PNPLA7: variants seen among roughly 807,000 people sequenced by gnomAD.
PNPLA7 encodes the protein patatin like domain 7, lysophospholipase, also known as patatin-like phospholipase domain-containing protein 7.
PNPLA7 carries 153 observed loss-of-function variants against 161.7 expected under a neutral mutation model. That is an observed-to-expected ratio of 0.95 (90% CI 0.83 to 1.08). PNPLA7 has a LOEUF of 1.08. PNPLA7 is among the 50% of genes least tolerant of loss of function. The pLI is 0.00. For synonymous variants in PNPLA7, 809 were observed against 782.1 expected, an observed-to-expected ratio of 1.03 and a Z score of -0.57; for missense variants, 1,739 against 1,856.6, an observed-to-expected ratio of 0.94 and a Z score of 1.16.
rs773780787 is a variant in PNPLA7 at position 137,505,969 on chromosome 9, C to G, written c.1326+14G>C. On this transcript the variant is annotated intron_variant, in intron 13 of 34. Coordinates refer to ENST00000406427, the MANE Select transcript of PNPLA7 (RefSeq NM_001098537.3). ...GGCCCCAGGCGGAGGGTGAGAATGA[C>G]AGCCAGGGCCTACCTTGCTGGCCAC... The G allele has an allele frequency of 4.6e-5, 73 of 1,600,284 alleles. No individual in the cohort carries two copies. The highest frequency in any genetic ancestry group is 5.7e-5 in the Non-Finnish European group (67 of 1,173,314).
chr9:137,498,146 C>G lies in PNPLA7; in HGVS notation c.1857G>C (p.Trp619Cys), dbSNP rs1488405679. ...TTGCTCGCCCGGCCTCCACCTCCAC[C>G]CAGTCCAGGGCAAAGTCGATTTGCC... ...FVRQIDFALD[W>C]VEVEAGRAIY... The change falls in exon 17 of 35, where the codon TGG (tryptophan) becomes TGC (cysteine). Residue 619 changes from tryptophan (W) to cysteine (C), a missense_variant. By Grantham distance (215) the Trp-to-Cys change is radical (BLOSUM62 -2). Around this residue, in one of 6 missense-constraint regions of PNPLA7, gnomAD observed 481 missense variants for 450.0 expected, o/e 1.07. Coordinates refer to ENST00000406427, the MANE Select transcript of PNPLA7 (RefSeq NM_001098537.3). The G allele has an allele frequency of 6.2e-7, 1 of 1,613,106 alleles. No individual in the cohort carries two copies. The highest frequency in any genetic ancestry group is 8.5e-7 in the Non-Finnish European group (1 of 1,179,986).
chr9:137,461,822 G>T, intron 32 of PNPLA7, 109 bp downstream of exon 32: 1 of 1,290,346 alleles, frequency 7.7e-7, no homozygotes, highest in Admixed American at 2.5e-5. Context: ...GGGGGGCAGG[G>T]CCTGTGGCCT....
At chr9:137,495,201 G>T in intron 18 of PNPLA7, 55 bp from the exon 19 acceptor site, 1 of 1,353,106 alleles carries the variant, frequency 7.4e-7, no homozygotes, top group Non-Finnish European at 1.0e-6. Context: ...CGAGCCAGCT[G>T]GACCTGTCCC....
At chr9:137,475,348 C>G (rs1831899819) in intron 25 of PNPLA7, among the ~76,000 whole-genome samples, 1 of 152,166 alleles carries the variant, frequency 6.6e-6, no homozygotes, top group Non-Finnish European at 1.5e-5. Context: ...GCACGCCAGC[C>G]TGGGCAACAA....
rs908365974 is a variant in PNPLA7, at chr9:137,524,717, C to G, written c.748-1860G>C. On this transcript the variant is annotated intron_variant, in intron 8 of 34. Coordinates refer to ENST00000406427, the MANE Select transcript of PNPLA7 (RefSeq NM_001098537.3). This position sits in a 1 kb window ranked among gnomAD's most constrained non-coding sequence, Gnocchi z 4.4. ...GTTTCCATGGATGCCCTGTGTTTTGCATTCTCACCAGCAGCGAACGAGTTT... is the reference window on the plus strand; with the variant it reads ...GTTTCCATGGATGCCCTGTGTTTTGGATTCTCACCAGCAGCGAACGAGTTT... Among the ~76,000 whole-genome samples, 3 of 152,174 alleles carry G rather than the reference C, an allele frequency of 2.0e-5. No individual in the cohort carries two copies. Among genetic ancestry groups the G allele is most frequent in the Non-Finnish European group, 4.4e-5 (3 of 68,022 alleles).
At position 137,520,665 on chromosome 9, in the gene PNPLA7, A is replaced by G. The variant is rs1271706237; in HGVS notation, c.958-622T>C. On this transcript the variant is annotated intron_variant, in intron 10 of 34. Coordinates refer to ENST00000406427, the MANE Select transcript of PNPLA7 (RefSeq NM_001098537.3). This position sits in a 1 kb window ranked among gnomAD's most constrained non-coding sequence, Gnocchi z 5.2. ...GGCAGTGGGGATGGAGCAGGGCACG[A>G]AACCCTGGTCTCACTCAGTTCCCAC... is the stretch of plus-strand genomic sequence containing the variant. Among the ~76,000 whole-genome samples, 1 of 152,234 alleles carries G rather than the reference A, an allele frequency of 6.6e-6. No homozygotes were observed. The highest frequency in any genetic ancestry group is 1.5e-5 in the Non-Finnish European group (1 of 68,038).
rs1220581342 is a variant in PNPLA7, at chr9:137,503,958, GGAAGAAGGAAGAA to G, written c.1473+1643_1473+1655del. On this transcript the variant is annotated intron_variant, in intron 14 of 34. Coordinates refer to ENST00000406427, the MANE Select transcript of PNPLA7 (RefSeq NM_001098537.3). ...AAGAAGAAGGAAGAATGAAGAAGAA[GGAAGAAGGAAGAA>G]GAAGAAGGAAGAAGAAAGAAGCAAG... is the stretch of plus-strand genomic sequence containing the variant. 4.4e-3 allele frequency among the ~76,000 whole-genome samples: 271 copies of G among 62,210 alleles called. 1 individual carries two copies. The highest frequency in any genetic ancestry group is 0.011 in the African/African-American group (253 of 23,646). The allele number at this position is 62,210 out of a possible 152,430, so 40.8% of individuals were successfully genotyped here.
intron 20 of PNPLA7, chr9:137,491,492 C>T (rs1832760601): frequency 3.1e-6 from 3 of 981,726 alleles, no homozygotes; most frequent in Admixed American, 6.2e-5. Flanking sequence ...AAGTGGAGAG[C>T]GAAGAGTCAC....
In PNPLA7 at chr9:137,478,233, A is replaced by C. The variant is rs375647448; in HGVS notation, c.2764-81T>G. 4.4e-5 allele frequency: 48 copies of C among 1,086,258 alleles called. 1 individual carries two copies. The East Asian group carries it at 5.2e-4, about 12-fold the overall frequency. 67.3% of individuals were successfully genotyped at this position (1,086,258 alleles called of 1,614,324 possible). ...CTCGCATCCTGGCTTGACTGGGGGG[A>C]GTTTCCTCCACTTCTGACCCAAACT... On this transcript the variant is annotated intron_variant, in intron 24 of 34. Coordinates refer to ENST00000406427, the MANE Select transcript of PNPLA7 (RefSeq NM_001098537.3).
At chr9:137,502,685 A>AGGCGGATGTGGGAGATGAGGGGGACGC in intron 14 of PNPLA7, among the ~76,000 whole-genome samples, 1 of 440 alleles carries the variant, frequency 2.3e-3, no homozygotes, top group Admixed American at 0.025. Context: ...TCGGGAGATG[A>AGGCGGATGTGGGAGATGAGGGGGACGC]GGGGGACGGG....
In PNPLA7 at chr9:137,464,403, G is replaced by A. The variant is rs139680134; in HGVS notation, c.3093C>T (p.Ser1031=). The part of the protein sequence containing the change: ...AALDLTYPIT[S]MFSGAGFNSS... ...TGTTGAAGCCGGCTCCGGAGAACAT[G>A]GACGTGATGGGGTAGGTGAGGTCCA... Residue 1031 remains serine, a synonymous_variant, in exon 27 of 35, where the codon TCC becomes TCT. Transcript: ENST00000406427. 8 of 1,613,868 alleles carry A rather than the reference G, an allele frequency of 5.0e-6. No homozygotes were observed. Among genetic ancestry groups the A allele is most frequent in the South Asian group, 2.2e-5 (2 of 91,090 alleles).
At chr9:137,504,102 GAAGA>G (rs1260752592) in intron 14 of PNPLA7, among the ~76,000 whole-genome samples, 22 of 145,936 alleles carry the variant, frequency 1.5e-4, no homozygotes, top group East Asian at 1.2e-3. Flanking sequence ...GAAGGAAGAA[GAAGA>G]AAGAAAGAAG....
chr9:137,487,346 G>C (rs1342137165), intron 20 of PNPLA7, among the ~76,000 whole-genome samples: 6 of 152,268 alleles, frequency 3.9e-5, no homozygotes, highest in African/African-American at 1.4e-4. Context: ...GCTTGGAGCT[G>C]AGTGGCCCAA....
rs1186273498 is a variant in PNPLA7, at chr9:137,481,042, G to A, written c.2348-19C>T. The A allele has an allele frequency of 6.4e-7, 1 of 1,551,536 alleles. No individual in the cohort carries two copies. The highest frequency in any genetic ancestry group is 2.0e-5 in the Admixed American group (1 of 51,010). ...GTCGGGCCTGAAAACACCACCACCA[G>A]TAACGGAGCCTGCCTGGGCAGCCCA... On this transcript the variant is annotated intron_variant, in intron 21 of 34. Coordinates refer to ENST00000406427, the MANE Select transcript of PNPLA7 (RefSeq NM_001098537.3).
chr9:137,539,514 C>CA (rs1205185338), intron 8 of PNPLA7, among the ~76,000 whole-genome samples: 2 of 151,974 alleles, frequency 1.3e-5, no homozygotes, highest in Non-Finnish European at 2.9e-5. Flanking sequence ...TCTATCTCTA[C>CA]AAAAAAATAC....
chr9:137,521,839 T>A (rs1042267735), intron 9 of PNPLA7, 123 bp from the exon 10 acceptor site: 31 of 725,042 alleles, frequency 4.3e-5, no homozygotes, highest in Non-Finnish European at 6.3e-5. Context: ...GACCGAACCC[T>A]CTCAGGGTGA....
rs186102120 is a variant in PNPLA7 at position 137,531,168 on chromosome 9, A to G, written c.748-8311T>C. 2.2e-4 allele frequency among the ~76,000 whole-genome samples: 34 copies of G among 152,204 alleles called. No individual in the cohort carries two copies. In the South Asian group the frequency reaches 2.9e-3, roughly 13 times the overall value. On this transcript the variant is annotated intron_variant, in intron 8 of 34. Transcript: ENST00000406427. Reference sequence around the variant, plus strand: ...TGAGAGGAGTCATCTGCCAGCCCCAACAGCCGGGGTCCAGCGACTGAAATC... The same window carrying G: ...TGAGAGGAGTCATCTGCCAGCCCCAGCAGCCGGGGTCCAGCGACTGAAATC...
In PNPLA7 at chr9:137,505,769, G is replaced by A. The variant is rs1358458334; in HGVS notation, c.1327-9C>T. ...ATCACGCTTTTCCTGGACTGGAGAA[G>A]AACGGAGATACCGGCAATTCGAAGG... On this transcript the variant is annotated splice_polypyrimidine_tract_variant and intron_variant, in intron 13 of 34. Transcript: ENST00000406427. 6.2e-7 allele frequency: 1 copy of A among 1,613,524 alleles called. No homozygotes were observed. The highest frequency in any genetic ancestry group is 8.5e-7 in the Non-Finnish European group (1 of 1,179,634).
chr9:137,547,228 T>C lies in PNPLA7; in HGVS notation c.193+81A>G. ...AAGCCACCATGCGCTTGAGGGCCCC[T>C]CCCAGGGGCTCAAAACACATCCCAA... On this transcript the variant is annotated intron_variant, in intron 3 of 34. Transcript: ENST00000406427. The surrounding 1 kb of genome is among the most constrained non-coding windows in gnomAD (Gnocchi z 4.6). The C allele has an allele frequency of 7.2e-7, 1 of 1,389,372 alleles. No homozygotes were observed. The highest frequency in any genetic ancestry group is 1.4e-5 in the African/African-American group (1 of 70,256). 86.1% of individuals were successfully genotyped at this position (1,389,372 alleles called of 1,614,324 possible). A position where few individuals can be genotyped will look rare whatever the true frequency, so the allele number is the denominator to read the frequency against.
Sources: gnomAD v4.1 joint callset for allele counts (sites outside exome capture counted in the v4.1 genomes callset) on GRCh38, gnomAD v4.1.1 for gene constraint, gnomAD v4.1.1 regional missense constraint, Gnocchi (gnomAD v3.1) non-coding constraint, MANE v1.5 for transcripts, NCBI Gene and HGNC (gene_info 2026-07-23, HGNC 2026-07-21) for gene names.